The following DEPDC1B variants were observed in gnomAD, a reference collection of about 807,000 sequenced individuals.
The protein encoded by DEPDC1B is DEP domain-containing protein 1B.
In DEPDC1B, 51 loss-of-function variants were observed where a neutral mutation model predicts 66.5. The observed-to-expected ratio is 0.77, with a 90% CI of 0.61 to 0.97. DEPDC1B has a LOEUF of 0.97. DEPDC1B is among the 50% of genes least tolerant of loss of function. The pLI is 0.00. For synonymous variants in DEPDC1B, 226 were observed against 223.6 expected, an observed-to-expected ratio of 1.01 and a Z score of -0.10; for missense variants, 552 against 637.1, an observed-to-expected ratio of 0.87 and a Z score of 1.44.
intron 9 of DEPDC1B, among the ~76,000 whole-genome samples, chr5:60,601,088 G>A (rs1489730752): frequency 6.6e-6 from 1 of 152,148 alleles, no homozygotes; most frequent in Non-Finnish European, 1.5e-5. Flanking sequence ...TTCCCCTTCT[G>A]CCATGATTGT....
At chr5:60,678,040 A>G (rs1164464198) in intron 2 of DEPDC1B, among the ~76,000 whole-genome samples, 1 of 152,112 alleles carries the variant, frequency 6.6e-6, no homozygotes, top group Admixed American at 6.6e-5. Flanking sequence ...CCCTCAAACA[A>G]CTTAAATTTG....
Position 60,666,954 on chromosome 5 carries a change from G to C in DEPDC1B, c.315-19421C>G, listed in dbSNP as rs116039618. On this transcript the variant is annotated intron_variant, in intron 2 of 10. Coordinates refer to ENST00000265036, the MANE Select transcript of DEPDC1B (RefSeq NM_018369.3). ...CTTTATTGGAAGAGAAAAACTACTA[G>C]TTGAGCTCTTTCTAAATGCTTGCCA... 4.0e-3 allele frequency among the ~76,000 whole-genome samples: 605 copies of C among 152,252 alleles called. 3 individuals carry two copies. The highest frequency in any genetic ancestry group is 0.012 in the African/African-American group (511 of 41,532).
intron 7 of DEPDC1B, among the ~76,000 whole-genome samples, chr5:60,614,424 G>A (rs79132278): frequency 0.012 from 1,889 of 152,224 alleles, 15 homozygotes; most frequent in Non-Finnish European, 0.021. Context: ...CTAGGTTCAA[G>A]GGATCCTTCT....
intron 2 of DEPDC1B, among the ~76,000 whole-genome samples, chr5:60,661,534 C>T (rs1239456040): frequency 6.6e-6 from 1 of 152,178 alleles, no homozygotes; most frequent in Non-Finnish European, 1.5e-5. Context: ...AGTGCATGTA[C>T]CTTTTTCCCT....
chr5:60,670,245 G>A (rs762527340), intron 2 of DEPDC1B, among the ~76,000 whole-genome samples: 6 of 152,114 alleles, frequency 3.9e-5, no homozygotes, highest in African/African-American at 7.2e-5. Context: ...TTAGCCGGGC[G>A]TGGTGGCAGG....
chr5:60,665,512 A>T (rs1753816893), intron 2 of DEPDC1B, among the ~76,000 whole-genome samples: 1 of 152,164 alleles, frequency 6.6e-6, no homozygotes, highest in South Asian at 2.1e-4. Context: ...CATGATGAAG[A>T]TCTACCGCAG....
At chr5:60,661,291 G>A (rs1344825133) in intron 2 of DEPDC1B, among the ~76,000 whole-genome samples, 1 of 152,144 alleles carries the variant, frequency 6.6e-6, no homozygotes, top group African/African-American at 2.4e-5. Context: ...AGGAAAAGGG[G>A]TGCAGGACTG....
rs1171843425 is a variant in DEPDC1B at position 60,677,322 on chromosome 5, A to ACTCT, written c.314+9639_314+9640insAGAG. 5.1e-3 allele frequency among the ~76,000 whole-genome samples: 510 copies of ACTCT among 99,468 alleles called. 2 individuals carry two copies. The highest frequency in any genetic ancestry group is 0.022 in the African/African-American group (369 of 17,016). 65.3% of individuals were successfully genotyped at this position (99,468 alleles called of 152,430 possible). On this transcript the variant is annotated intron_variant, in intron 2 of 10. Coordinates refer to ENST00000265036, the MANE Select transcript of DEPDC1B (RefSeq NM_018369.3). The stretch of plus-strand genomic sequence containing the variant: ...CACACACACACACACACACACACAC[A>ACTCT]CACACTCTCTCTCTCTCTCTCTCTC...
rs367914810 is a variant in DEPDC1B, at chr5:60,640,815, T to C, written c.758-1925A>G. ...TGTTCCCTTTTAGATGACTGAAACA[T>C]GAATTGGGACTTATTAAGGATAGGA... On this transcript the variant is annotated intron_variant, in intron 6 of 10. Transcript: ENST00000265036. Among the ~76,000 whole-genome samples the C allele has an allele frequency of 4.5e-4, 69 of 152,244 alleles. No homozygotes were observed. In the South Asian group the frequency reaches 0.014, roughly 30 times the overall value.
intron 5 of DEPDC1B, among the ~76,000 whole-genome samples, chr5:60,644,050 C>T (rs1271305916): frequency 1.3e-5 from 2 of 152,158 alleles, no homozygotes; most frequent in Non-Finnish European, 2.9e-5. Context: ...AAGTTCCAGC[C>T]AATTCCCAGC....
At chr5:60,667,733 AAAAAATGGATATTTTACATATATAT>A (rs1753893000) in intron 2 of DEPDC1B, among the ~76,000 whole-genome samples, 1 of 131,260 alleles carries the variant, frequency 7.6e-6, no homozygotes, top group South Asian at 2.5e-4. Context: ...ACATATATAT[AAAAAATGGATATTTTACATATATAT>A]AAAAAATGGA....
At position 60,632,839 on chromosome 5, in the gene DEPDC1B, G is replaced by C. The variant is rs114728925; in HGVS notation, c.898+5911C>G. On this transcript the variant is annotated intron_variant, in intron 7 of 10. Coordinates refer to ENST00000265036, the MANE Select transcript of DEPDC1B (RefSeq NM_018369.3). Reference sequence around the variant, plus strand: ...TGGGATTTTAGGTGGCTGTGGTGGTGTTGGGGACAGGAGACTGAGGCAAGT... The same window carrying C: ...TGGGATTTTAGGTGGCTGTGGTGGTCTTGGGGACAGGAGACTGAGGCAAGT... Among the ~76,000 whole-genome samples the C allele has an allele frequency of 6.2e-3, 937 of 152,350 alleles. 5 individuals are homozygous for C. The highest frequency in any genetic ancestry group is 9.1e-3 in the Non-Finnish European group (618 of 68,024).
intron 2 of DEPDC1B, among the ~76,000 whole-genome samples, chr5:60,665,164 T>C (rs1426364431): frequency 6.6e-6 from 1 of 152,100 alleles, no homozygotes; most frequent in East Asian, 1.9e-4. Context: ...CACGAGGACA[T>C]AGTTTCCTCC....
At chr5:60,663,337 A>G (rs923944510) in intron 2 of DEPDC1B, among the ~76,000 whole-genome samples, 6 of 152,182 alleles carry the variant, frequency 3.9e-5, no homozygotes, top group Non-Finnish European at 8.8e-5. Flanking sequence ...AGGCCTAGTA[A>G]AACCAAGCAA....
At chr5:60,684,785 A>G (rs1754375157) in intron 2 of DEPDC1B, among the ~76,000 whole-genome samples, 1 of 152,186 alleles carries the variant, frequency 6.6e-6, no homozygotes, top group South Asian at 2.1e-4. Context: ...AAACAACACA[A>G]TGAAGAGTAA....
intron 7 of DEPDC1B, among the ~76,000 whole-genome samples, chr5:60,625,632 A>G (rs1752793988): frequency 6.6e-6 from 1 of 152,228 alleles, no homozygotes; most frequent in African/African-American, 2.4e-5. Context: ...ATATAATGCA[A>G]TTCCTAAAAA....
At chr5:60,668,267 ATATATATATATG>A (rs1753948567) in intron 2 of DEPDC1B, among the ~76,000 whole-genome samples, 1 of 132,756 alleles carries the variant, frequency 7.5e-6, no homozygotes, top group African/African-American at 2.8e-5. Flanking sequence ...TTATATATAT[ATATATATATATG>A]TATTTTTTTT....
intron 2 of DEPDC1B, among the ~76,000 whole-genome samples, chr5:60,662,641 T>A (rs986529916): frequency 6.6e-6 from 1 of 152,100 alleles, no homozygotes. Context: ...CAAGGACACC[T>A]TAAAAAAGAC....
At chr5:60,616,625 T>C (rs982856421) in intron 7 of DEPDC1B, among the ~76,000 whole-genome samples, 2 of 152,046 alleles carry the variant, frequency 1.3e-5, no homozygotes, top group African/African-American at 4.8e-5. Context: ...CTCCAAGAAA[T>C]ATGGGACTAT....
Sources: gnomAD v4.1 joint callset for allele counts (sites outside exome capture counted in the v4.1 genomes callset) on GRCh38, gnomAD v4.1.1 for gene constraint, MANE v1.5 for transcripts, NCBI Gene and HGNC (gene_info 2026-07-23, HGNC 2026-07-21) for gene names.